The following TPM1 variants were observed in gnomAD, a reference collection of about 807,000 sequenced individuals.
The protein encoded by TPM1 is tropomyosin alpha-1 chain.
TPM1 carries 24 observed loss-of-function variants against 42.9 expected under a neutral mutation model. That is an observed-to-expected ratio of 0.56 (90% CI 0.41 to 0.79). The LOEUF is 0.79. TPM1 is among the 30% of genes least tolerant of loss of function. The pLI is 0.00. For missense variants in TPM1, 158 were observed against 351.8 expected, an observed-to-expected ratio of 0.45 and a Z score of 4.41; for synonymous variants, 136 against 130.1, an observed-to-expected ratio of 1.05 and a Z score of -0.31.
chr15:63,052,993 T>G (rs1293480721), intron 2 of TPM1, among the ~76,000 whole-genome samples: 1 of 152,182 alleles, frequency 6.6e-6, no homozygotes, highest in African/African-American at 2.4e-5. Context: ...GTTCAGGGTT[T>G]TCCCATAAAG....
chr15:63,065,932 C>T lies in TPM1; in HGVS notation c.*33C>T, dbSNP rs745841842. 1.6e-5 allele frequency: 25 copies of T among 1,609,386 alleles called. No individual in the cohort carries two copies. In the African/African-American group the frequency reaches 1.7e-4, roughly 11 times the overall value. On this transcript the variant is annotated 3_prime_UTR_variant, in exon 10 of 10. Transcript: ENST00000403994. ...TGCTTCACTTCTCCCAAGACTCCCT[C>T]GTCGAGCTGGATGTCCCACCTCTCT... is the stretch of plus-strand genomic sequence containing the variant.
intron 2 of TPM1, among the ~76,000 whole-genome samples, chr15:63,053,153 C>T (rs1193164109): frequency 6.6e-6 from 1 of 152,200 alleles, no homozygotes; most frequent in Non-Finnish European, 1.5e-5. Context: ...TCCTATTACC[C>T]ATTAGCATTG....
At chr15:63,044,235 G>T in intron 2 of TPM1, 83 bp downstream of exon 2, 2 of 1,608,360 alleles carry the variant, frequency 1.2e-6, no homozygotes, top group East Asian at 2.2e-5. Context: ...GAGCAATGAA[G>T]GAAGTTTACC....
intron 2 of TPM1, among the ~76,000 whole-genome samples, chr15:63,053,248 A>C (rs1408183399): frequency 6.6e-6 from 1 of 152,170 alleles, no homozygotes; most frequent in Admixed American, 6.5e-5. Context: ...CATTGCAGCA[A>C]CTGTTCTCCC....
At chr15:63,044,526 T>A in intron 2 of TPM1, 1 of 499,408 alleles carries the variant, frequency 2.0e-6, no homozygotes, top group Non-Finnish European at 3.6e-6. Flanking sequence ...TCACTTTCTT[T>A]CCTTTTGCCG....
chr15:63,065,530 G>T (rs1482669195), intron 9 of TPM1: 5 of 985,116 alleles, frequency 5.1e-6, no homozygotes, highest in Non-Finnish European at 4.8e-6. Flanking sequence ...GTAAATGAGG[G>T]GGTGGAGCAG....
At chr15:63,055,731 C>G (rs1289196514) in intron 2 of TPM1, 2 of 152,204 alleles carry the variant, frequency 1.3e-5, no homozygotes, top group East Asian at 3.8e-4. Context: ...CCTTAGTGAA[C>G]ATACATTCAA....
At chr15:63,070,101 G>A (rs964797368), downstream of TPM1, 7 of 1,516,898 alleles carry the variant, frequency 4.6e-6, no homozygotes, top group African/African-American at 9.7e-5. Flanking sequence ...TTGCCTGCTT[G>A]TTTCTCTATA....
In TPM1 at chr15:63,056,723, A is replaced by G. The variant is rs2034852915; in HGVS notation, c.241-262A>G. 6 of 483,154 alleles carry G rather than the reference A, an allele frequency of 1.2e-5. No individual in the cohort carries two copies. The Admixed American group carries it at 2.0e-4, about 16-fold the overall frequency. The allele number at this position is 483,154 out of a possible 1,614,324, so 29.9% of individuals were successfully genotyped here. On this transcript the variant is annotated intron_variant, in intron 2 of 9. Transcript: ENST00000403994. ...ACGGAAGAAAGGAACCATGTGAAAGAGCGTTTGCTAATGATCTGTCTGTCT... is the reference window on the plus strand; with the variant it reads ...ACGGAAGAAAGGAACCATGTGAAAGGGCGTTTGCTAATGATCTGTCTGTCT...
chr15:63,050,577 A>G (rs1335533342), intron 2 of TPM1, among the ~76,000 whole-genome samples: 1 of 152,250 alleles, frequency 6.6e-6, no homozygotes, highest in Non-Finnish European at 1.5e-5. Context: ...AGTTGGCTAA[A>G]GATAGTACTT....
chr15:63,066,323 C>T, downstream of TPM1: 1 of 571,658 alleles, frequency 1.7e-6, no homozygotes, highest in Non-Finnish European at 2.4e-6. Context: ...TTCTGATTTT[C>T]AAAGGTTAGA....
rs77572949 is a variant in TPM1 at position 63,051,112 on chromosome 15, C to A, written c.241-5873C>A. On this transcript the variant is annotated intron_variant, in intron 2 of 9. Transcript: ENST00000403994. The stretch of plus-strand genomic sequence containing the variant: ...TTGTGACCCACTAGGGTTATGTTTG[C>A]TTTTTTTCATTATTTAAAGAAAAAG... Among the ~76,000 whole-genome samples the A allele has an allele frequency of 7.1e-3, 1,084 of 152,160 alleles. 19 individuals carry two copies. Among genetic ancestry groups the A allele is most frequent in the African/African-American group, 0.025 (1,044 of 41,498 alleles).
downstream of TPM1, chr15:63,070,969 A>G (rs1052440232): frequency 1.1e-5 from 17 of 1,550,112 alleles, no homozygotes; most frequent in Admixed American, 3.0e-4. Flanking sequence ...TCTTACAAGC[A>G]TGCCTAGTTC....
At chr15:63,069,065 T>TTGGCA (rs1407351465), downstream of TPM1, among the ~76,000 whole-genome samples, 1 of 148,316 alleles carries the variant, frequency 6.7e-6, no homozygotes, top group Non-Finnish European at 1.5e-5. Context: ...AGGCAGGAGA[T>TTGGCA]TGGCATGAAC....
chr15:63,044,241 T>C, intron 2 of TPM1, 89 bp downstream of exon 2: 1 of 1,603,714 alleles, frequency 6.2e-7, no homozygotes, highest in Non-Finnish European at 8.5e-7. Flanking sequence ...TGAAGGAAGT[T>C]TACCTTTTCC....
chr15:63,066,147 T>C lies in TPM1; in HGVS notation c.*248T>C, dbSNP rs563965885. The stretch of plus-strand genomic sequence containing the variant: ...ATTTATTGACATTTTAGTTTCAACA[T>C]TGAATAAAACTACAAAGCTGCTTCA... On this transcript the variant is annotated 3_prime_UTR_variant, in exon 10 of 10. Transcript: ENST00000403994. The C allele has an allele frequency of 3.5e-5, 52 of 1,466,742 alleles. No individual in the cohort carries two copies. The East Asian group carries it at 8.2e-4, about 23-fold the overall frequency. The allele number at this position is 1,466,742 out of a possible 1,614,324, so 90.9% of individuals were successfully genotyped here. A position where few individuals can be genotyped will look rare whatever the true frequency, so the allele number is the denominator to read the frequency against.
At chr15:63,070,794 C>T (rs969976756), downstream of TPM1, 21 of 1,219,896 alleles carry the variant, frequency 1.7e-5, no homozygotes, top group South Asian at 5.0e-5. Context: ...CCTGTTCCCA[C>T]GGCACACCGT....
At chr15:63,051,547 T>C (rs35363782) in intron 2 of TPM1, among the ~76,000 whole-genome samples, 30,928 of 151,020 alleles carry the variant, frequency 0.2, 3,596 homozygotes, top group East Asian at 0.45. Context: ...TTTTTTTTTT[T>C]CCCCCCTTTC....
chr15:63,050,562 G>A (rs1345136653), intron 2 of TPM1, among the ~76,000 whole-genome samples: 1 of 152,184 alleles, frequency 6.6e-6, no homozygotes, highest in Non-Finnish European at 1.5e-5. Context: ...AACTCTTCCT[G>A]TGCCAGTTGG....
Sources: gnomAD v4.1 joint callset for allele counts (sites outside exome capture counted in the v4.1 genomes callset) on GRCh38, gnomAD v4.1.1 for gene constraint, MANE v1.5 for transcripts, NCBI Gene and HGNC (gene_info 2026-07-23, HGNC 2026-07-21) for gene names.